TMEM181: variants seen among roughly 807,000 people sequenced by gnomAD.
TMEM181 encodes the protein G protein-coupled receptor 178.
TMEM181 carries 39 observed loss-of-function variants against 71.9 expected under a neutral mutation model. The observed-to-expected ratio is 0.54, with a 90% confidence interval of 0.42 to 0.71. TMEM181 has a LOEUF of 0.71. TMEM181 is among the 30% of genes least tolerant of loss of function. TMEM181 has a pLI of 0.00. For synonymous variants in TMEM181, 245 were observed against 228.8 expected, an observed-to-expected ratio of 1.07 and a Z score of -0.64; for missense variants, 595 against 583.0, an observed-to-expected ratio of 1.02 and a Z score of -0.21.
chr6:158,561,448 T>TG (rs1562620615), intron 1 of TMEM181, among the ~76,000 whole-genome samples: 3 of 152,206 alleles, frequency 2.0e-5, no homozygotes, highest in Non-Finnish European at 2.9e-5. Context: ...TAATACTGCT[T>TG]GGAACGGTGT....
At chr6:158,575,719 A>C (rs1312362975) in intron 2 of TMEM181, among the ~76,000 whole-genome samples, 1 of 152,188 alleles carries the variant, frequency 6.6e-6, no homozygotes, top group Admixed American at 6.5e-5. Flanking sequence ...ATCTGTTTAA[A>C]AGGGACCTCA....
chr6:158,608,232 G>A lies in TMEM181; in HGVS notation c.674-101G>A. The A allele has an allele frequency of 2.3e-5, 18 of 777,820 alleles. No individual in the cohort carries two copies. In the South Asian group the frequency reaches 2.6e-4, roughly 11 times the overall value. 48.2% of individuals were successfully genotyped at this position (777,820 alleles called of 1,614,324 possible). ...GGTGCTGACCCCGCAGAGGTATGGG[G>A]TGCTCTCTGCTAGGTGCTGACCCCG... On this transcript the variant is annotated intron_variant, in intron 8 of 16. Transcript: ENST00000684151.
At chr6:158,630,808 T>C (rs2128333413) in intron 15 of TMEM181, among the ~76,000 whole-genome samples, 1 of 151,838 alleles carries the variant, frequency 6.6e-6, no homozygotes, top group Non-Finnish European at 1.5e-5. Context: ...GGGAACTCTC[T>C]AGAACATAGG....
At chr6:158,548,536 C>T (rs1781614380) in intron 1 of TMEM181, among the ~76,000 whole-genome samples, 1 of 152,210 alleles carries the variant, frequency 6.6e-6, no homozygotes, top group South Asian at 2.1e-4. Context: ...GCCAGCTGCT[C>T]TGGCCAGGTG....
At chr6:158,603,989 T>C (rs1784806626) in intron 6 of TMEM181, among the ~76,000 whole-genome samples, 2 of 152,380 alleles carry the variant, frequency 1.3e-5, no homozygotes, top group Admixed American at 6.5e-5. Flanking sequence ...CAAAGCAGCA[T>C]GAAGTCTTGA....
At chr6:158,605,138 GT>G in intron 6 of TMEM181, 128 bp from the exon 7 acceptor site, 5 of 414,724 alleles carry the variant, frequency 1.2e-5, no homozygotes, top group Middle Eastern at 8.4e-4. Flanking sequence ...AAAAGTGTGT[GT>G]GTGTGTGTGT....
At position 158,632,076 on chromosome 6, in the gene TMEM181, T is replaced by C; in HGVS notation, c.*188T>C. 1.7e-6 allele frequency: 1 copy of C among 597,370 alleles called. No individual in the cohort carries two copies. Among genetic ancestry groups the C allele is most frequent in the Admixed American group, 3.0e-5 (1 of 32,986 alleles). 37.0% of individuals were successfully genotyped at this position (597,370 alleles called of 1,614,324 possible). A position where few individuals can be genotyped will look rare whatever the true frequency, so the allele number is the denominator to read the frequency against. ...AAATGTTTAGCCAAATTTATTGTCA[T>C]GGTGGCTACGAGAAGAGGCATTGAT... On this transcript the variant is annotated 3_prime_UTR_variant, in exon 17 of 17. Coordinates refer to ENST00000684151, the MANE Select transcript of TMEM181 (RefSeq NM_001376852.1).
intron 1 of TMEM181, among the ~76,000 whole-genome samples, chr6:158,568,894 A>C (rs144300820): frequency 7.2e-5 from 11 of 152,328 alleles, no homozygotes; most frequent in Non-Finnish European, 1.5e-4. Flanking sequence ...GCCCATGAGC[A>C]ACAGTTTTAG....
chr6:158,585,659 C>A (rs146629665), intron 5 of TMEM181, among the ~76,000 whole-genome samples: 1 of 152,222 alleles, frequency 6.6e-6, no homozygotes, highest in South Asian at 2.1e-4. Context: ...CGTAAACACA[C>A]GTGTACGCAC....
chr6:158,623,460 TAAA>T (rs904088855), intron 10 of TMEM181, 87 bp from the exon 11 acceptor site: 4 of 887,014 alleles, frequency 4.5e-6, no homozygotes, highest in Non-Finnish European at 6.7e-6. Flanking sequence ...TATTAATAAG[TAAA>T]AAAAACAAAA....
At chr6:158,608,846 C>A in intron 10 of TMEM181, 96 bp downstream of exon 10, 1 of 1,162,400 alleles carries the variant, frequency 8.6e-7, no homozygotes, top group Non-Finnish European at 1.2e-6. Flanking sequence ...GCCTGTAATC[C>A]CAGCACTTTG....
intron 6 of TMEM181, among the ~76,000 whole-genome samples, chr6:158,590,670 G>A (rs916422367): frequency 1.3e-5 from 2 of 152,196 alleles, no homozygotes; most frequent in African/African-American, 4.8e-5. Context: ...CACCATGTTG[G>A]CCAGGATGGT....
At chr6:158,551,012 G>A (rs1430080573) in intron 1 of TMEM181, among the ~76,000 whole-genome samples, 2 of 148,062 alleles carry the variant, frequency 1.4e-5, no homozygotes, top group African/African-American at 5.0e-5. Flanking sequence ...CCAAGCTGGA[G>A]TGCAGTGGTG....
In TMEM181 at chr6:158,594,351, G is replaced by A. The variant is rs191021167; in HGVS notation, c.492+4569G>A. 7.2e-5 allele frequency among the ~76,000 whole-genome samples: 11 copies of A among 151,902 alleles called. No individual in the cohort carries two copies. In the East Asian group the frequency reaches 2.1e-3, roughly 30 times the overall value. ...TGACCTCTGGTGATCCGCCTGCCTC[G>A]GCCTCCGAAAGTGCTGGGATTACAT... is the stretch of plus-strand genomic sequence containing the variant. On this transcript the variant is annotated intron_variant, in intron 6 of 16. Transcript: ENST00000684151.
rs1411997558 is a variant in TMEM181 at position 158,634,970 on chromosome 6, G to T, written c.*3082G>T. On this transcript the variant is annotated 3_prime_UTR_variant, in exon 17 of 17. Transcript: ENST00000684151. ...AAGATGAGACTTAAAACATGAAAGT[G>T]TATTTGTGTATTTTGAGGGTTTTAG... is the stretch of plus-strand genomic sequence containing the variant. 1 of 151,842 alleles carries T rather than the reference G, an allele frequency of 6.6e-6. No individual in the cohort carries two copies. Among genetic ancestry groups the T allele is most frequent in the Non-Finnish European group, 1.5e-5 (1 of 67,974 alleles). 9.4% of individuals were successfully genotyped at this position (151,842 alleles called of 1,614,324 possible).
At chr6:158,542,037 C>T (rs999426110) in intron 1 of TMEM181, among the ~76,000 whole-genome samples, 3 of 150,996 alleles carry the variant, frequency 2.0e-5, no homozygotes, top group Non-Finnish European at 2.9e-5. Flanking sequence ...TCCCAAGTAG[C>T]TGAGATTACA....
chr6:158,547,804 C>A (rs1270366850), intron 1 of TMEM181, among the ~76,000 whole-genome samples: 2 of 151,160 alleles, frequency 1.3e-5, no homozygotes, highest in Non-Finnish European at 2.9e-5. Flanking sequence ...GACCTGACCT[C>A]CTGGTGCAGG....
chr6:158,629,968 C>A (rs958054869), intron 15 of TMEM181, 149 bp downstream of exon 15: 12 of 708,028 alleles, frequency 1.7e-5, no homozygotes, highest in Non-Finnish European at 2.5e-5. Flanking sequence ...GTTGAAATGT[C>A]GAGCTCTGAG....
rs1482258293 is a variant in TMEM181, at chr6:158,611,071, T to C, written c.896+2321T>C. ...GAGAGTCATCCAGAAACTCGAGGGG[T>C]GGAGAGCATTTGTCAGTGACTGTCC... is the stretch of plus-strand genomic sequence containing the variant. On this transcript the variant is annotated intron_variant, in intron 10 of 16. Coordinates refer to ENST00000684151, the MANE Select transcript of TMEM181 (RefSeq NM_001376852.1). 5 of 469,380 alleles carry C rather than the reference T, an allele frequency of 1.1e-5. No homozygotes were observed. In the East Asian group the frequency reaches 2.6e-4, roughly 25 times the overall value. The allele number at this position is 469,380 out of a possible 1,614,324, so 29.1% of individuals were successfully genotyped here. A position where few individuals can be genotyped will look rare whatever the true frequency, so the allele number is the denominator to read the frequency against.
Sources: gnomAD v4.1 joint callset for allele counts (sites outside exome capture counted in the v4.1 genomes callset) on GRCh38, gnomAD v4.1.1 for gene constraint, MANE v1.5 for transcripts, NCBI Gene and HGNC (gene_info 2026-07-23, HGNC 2026-07-21) for gene names.